NEGR1: variants seen among roughly 807,000 people sequenced by gnomAD.
The protein encoded by NEGR1 is IgLON family member 4.
In NEGR1, 10 loss-of-function variants were observed where a neutral mutation model predicts 40.9. That is an observed-to-expected ratio of 0.24 (90% CI 0.15 to 0.42). The LOEUF (loss-of-function observed/expected upper bound fraction) is 0.42. Ranked by LOEUF, NEGR1 falls within the 10% of genes least tolerant of loss-of-function variation. The pLI is 1.00. For missense variants in NEGR1, 352 were observed against 438.9 expected, an observed-to-expected ratio of 0.80 and a Z score of 1.77; for synonymous variants, 185 against 166.8, an observed-to-expected ratio of 1.11 and a Z score of -0.84.
intron 6 of NEGR1, among the ~76,000 whole-genome samples, chr1:71,565,469 A>G (rs916993103): frequency 6.6e-6 from 1 of 152,184 alleles, no homozygotes; most frequent in African/African-American, 2.4e-5. Context: ...CAGGGAAAAT[A>G]AGTGTTTCTC....
At chr1:71,550,135 A>G (rs1021691214) in intron 6 of NEGR1, among the ~76,000 whole-genome samples, 3 of 151,646 alleles carry the variant, frequency 2.0e-5, no homozygotes, top group Admixed American at 6.6e-5. Flanking sequence ...TGGAGCAGAC[A>G]GTCTTTGAGT....
chr1:72,154,506 T>C (rs1651287878), intron 1 of NEGR1, among the ~76,000 whole-genome samples: 1 of 151,956 alleles, frequency 6.6e-6, no homozygotes, highest in Admixed American at 6.6e-5. Flanking sequence ...AAAAATCCTT[T>C]GAATGAGAAC....
At chr1:71,862,295 T>C (rs1448821004) in intron 2 of NEGR1, among the ~76,000 whole-genome samples, 2 of 152,106 alleles carry the variant, frequency 1.3e-5, no homozygotes, top group Non-Finnish European at 2.9e-5. Context: ...TCTGACCCCA[T>C]AGCTGACACT....
chr1:71,815,192 C>G (rs556281016), intron 2 of NEGR1, among the ~76,000 whole-genome samples: 1 of 152,122 alleles, frequency 6.6e-6, no homozygotes, highest in Admixed American at 6.6e-5. Flanking sequence ...GAAGGTTGTT[C>G]CATTTCCATG....
chr1:72,114,411 G>A (rs966387752), intron 1 of NEGR1, among the ~76,000 whole-genome samples: 1 of 151,608 alleles, frequency 6.6e-6, no homozygotes, highest in South Asian at 2.1e-4. Context: ...ACAATCACAT[G>A]AGCCAATTCC....
chr1:71,575,183 A>G (rs1022443920), intron 6 of NEGR1, among the ~76,000 whole-genome samples: 9 of 152,220 alleles, frequency 5.9e-5, no homozygotes, highest in Admixed American at 3.9e-4. Flanking sequence ...ACACCCTACA[A>G]TCTAAATTGA....
chr1:72,205,934 C>T (rs1041707237), intron 1 of NEGR1, among the ~76,000 whole-genome samples: 2 of 143,984 alleles, frequency 1.4e-5, no homozygotes, highest in African/African-American at 5.5e-5. Flanking sequence ...AAGAGCAGGA[C>T]TCTGTCTCAA....
chr1:72,148,867 C>T (rs1651012609), intron 1 of NEGR1, among the ~76,000 whole-genome samples: 1 of 152,144 alleles, frequency 6.6e-6, no homozygotes, highest in Non-Finnish European at 1.5e-5. Flanking sequence ...CAAAGCCATT[C>T]AACAAGTTTG....
At chr1:71,667,923 T>C (rs184364066) in intron 4 of NEGR1, among the ~76,000 whole-genome samples, 1 of 152,324 alleles carries the variant, frequency 6.6e-6, no homozygotes, top group East Asian at 1.9e-4. Context: ...GTATACATTT[T>C]AACTATTATA....
intron 4 of NEGR1, among the ~76,000 whole-genome samples, chr1:71,626,606 C>A (rs1241728158): frequency 1.3e-5 from 2 of 151,744 alleles, no homozygotes; most frequent in Non-Finnish European, 2.9e-5. Context: ...TCTAAAACAC[C>A]AAAAGCAATG....
intron 1 of NEGR1, among the ~76,000 whole-genome samples, chr1:72,148,028 T>C (rs2100349207): frequency 6.6e-6 from 1 of 152,158 alleles, no homozygotes; most frequent in Non-Finnish European, 1.5e-5. Context: ...TGCAAGCTGT[T>C]GGTAGATCTA....
intron 4 of NEGR1, among the ~76,000 whole-genome samples, chr1:71,670,449 T>A (rs548160376): frequency 4.9e-4 from 74 of 152,328 alleles, no homozygotes; most frequent in African/African-American, 1.7e-3. Context: ...TCCTTCTGGT[T>A]CATACATTTT....
intron 1 of NEGR1, among the ~76,000 whole-genome samples, chr1:72,247,300 C>T (rs530609425): frequency 2.6e-5 from 4 of 152,298 alleles, no homozygotes; most frequent in South Asian, 2.1e-4. Flanking sequence ...TTCCTTGACA[C>T]GTGGCCAGGC....
At chr1:71,998,128 G>A (rs1051728082) in intron 1 of NEGR1, among the ~76,000 whole-genome samples, 2 of 151,866 alleles carry the variant, frequency 1.3e-5, no homozygotes, top group African/African-American at 4.8e-5. Flanking sequence ...GGATTTTTAA[G>A]TCAACAACCT....
At chr1:71,975,476 T>C (rs1222963110) in intron 1 of NEGR1, among the ~76,000 whole-genome samples, 2 of 152,222 alleles carry the variant, frequency 1.3e-5, no homozygotes, top group Non-Finnish European at 1.5e-5. Context: ...GCCACTTCAA[T>C]GGAATGCTCT....
chr1:72,082,378 G>A (rs1477082342), intron 1 of NEGR1, among the ~76,000 whole-genome samples: 6 of 152,000 alleles, frequency 3.9e-5, no homozygotes, highest in South Asian at 2.1e-4. Context: ...ATTTTAATTC[G>A]AATGTCATTT....
At chr1:71,557,238 G>C (rs868039709) in intron 6 of NEGR1, among the ~76,000 whole-genome samples, 45 of 151,560 alleles carry the variant, frequency 3.0e-4, no homozygotes, top group Admixed American at 8.6e-4. Flanking sequence ...ATAACTGAAG[G>C]GGATTGTGGA....
intron 4 of NEGR1, among the ~76,000 whole-genome samples, chr1:71,629,739 A>C (rs1038273455): frequency 3.3e-5 from 5 of 152,008 alleles, no homozygotes; most frequent in African/African-American, 1.2e-4. Context: ...AATCTCCTTA[A>C]GCAGATAAGC....
intron 6 of NEGR1, among the ~76,000 whole-genome samples, chr1:71,443,103 T>C (rs1013971551): frequency 2.6e-5 from 4 of 152,174 alleles, no homozygotes; most frequent in Non-Finnish European, 5.9e-5. Context: ...AGATGGTAAT[T>C]TTACCGATTT....
Sources: allele counts gnomAD v4.1 joint callset (sites outside exome capture counted in the v4.1 genomes callset), GRCh38; gene constraint gnomAD v4.1.1; transcripts MANE v1.5; gene names NCBI Gene and HGNC (gene_info 2026-07-23, HGNC 2026-07-21).